CHST15: variants seen among roughly 807,000 people sequenced by gnomAD.
CHST15 encodes B cell RAG associated protein (GALNAC4S-6ST).
In CHST15, 30 loss-of-function variants were observed where a neutral mutation model predicts 53.6. The observed-to-expected ratio is 0.56, with a 90% CI of 0.42 to 0.76. CHST15 has a LOEUF of 0.76. CHST15 is among the 30% of genes least tolerant of loss of function. The pLI is 0.00. For synonymous variants in CHST15, 296 were observed against 289.8 expected (o/e 1.02, Z -0.22); for missense variants, 627 against 740.5 (o/e 0.85, Z 1.78).
intron 6 of CHST15, chr10:124,020,976 C>A (rs1460702080): frequency 1.4e-5 from 19 of 1,404,240 alleles, no homozygotes; most frequent in Non-Finnish European, 1.8e-5. Flanking sequence ...GGGTGTCTTG[C>A]TAAATGGTAA....
chr10:124,059,709 C>A (rs569985330), intron 1 of CHST15, among the ~76,000 whole-genome samples: 1 of 152,304 alleles, frequency 6.6e-6, no homozygotes, highest in African/African-American at 2.4e-5. Context: ...GAATCCATTA[C>A]AGGCGGCGCG....
intron 5 of CHST15, among the ~76,000 whole-genome samples, chr10:124,023,263 T>C (rs1324336242): frequency 7.9e-5 from 12 of 152,012 alleles, no homozygotes; most frequent in African/African-American, 2.2e-4. Flanking sequence ...GGTGGGAGGA[T>C]CACTTGAACC....
At position 124,016,948 on chromosome 10, in the gene CHST15, T is replaced by G. The variant is rs537655525; in HGVS notation, c.1347+4308A>C. On this transcript the variant is annotated intron_variant, in intron 6 of 7. Transcript: ENST00000435907. ...GCTCAGTTTCAGCTGTGCTCTCCAG[T>G]TCACAGTCGGAGTGCTGACCCGCAG... Among the ~76,000 whole-genome samples, 8 of 152,284 alleles carry G rather than the reference T, an allele frequency of 5.3e-5. No homozygotes were observed. The East Asian group carries it at 1.5e-3, about 29-fold the overall frequency.
At chr10:124,069,799 T>C (rs1948857084) in intron 1 of CHST15, among the ~76,000 whole-genome samples, 1 of 152,200 alleles carries the variant, frequency 6.6e-6, no homozygotes, top group South Asian at 2.1e-4. Context: ...GACGCAGATT[T>C]TTCTCTCATT....
intron 7 of CHST15, among the ~76,000 whole-genome samples, chr10:124,011,991 C>A (rs1946430248): frequency 6.6e-6 from 1 of 152,188 alleles, no homozygotes. Flanking sequence ...ACCATCAGCA[C>A]ATACCTTACA....
At chr10:124,025,395 G>A (rs1429271648) in intron 5 of CHST15, among the ~76,000 whole-genome samples, 1 of 152,180 alleles carries the variant, frequency 6.6e-6, no homozygotes, top group Non-Finnish European at 1.5e-5. Context: ...TCCTCGGCTG[G>A]ATGAAAAGAG....
intron 7 of CHST15, 116 bp from the exon 8 acceptor site, chr10:124,010,455 A>T: frequency 7.1e-7 from 1 of 1,405,796 alleles, no homozygotes; most frequent in Non-Finnish European, 9.2e-7. Context: ...TTAAGAGAAC[A>T]TATTTAGGGA....
At position 124,071,300 on chromosome 10, in the gene CHST15, C is replaced by A. The variant is rs555471744; in HGVS notation, c.-513+22169G>T. On this transcript the variant is annotated intron_variant, in intron 1 of 7. Coordinates refer to ENST00000435907, the MANE Select transcript of CHST15 (RefSeq NM_001270764.2). ...AAGGAGATGGACAGGCCAGCCAGAG[C>A]CCAACAGACCCATCACAGGTGGCCT... is the stretch of plus-strand genomic sequence containing the variant. Among the ~76,000 whole-genome samples, 6 of 152,364 alleles carry A rather than the reference C, an allele frequency of 3.9e-5. No individual in the cohort carries two copies. The South Asian group carries it at 1.2e-3, about 32-fold the overall frequency.
At position 124,028,097 on chromosome 10, in the gene CHST15, TTA is replaced by T. The variant is rs1947081018; in HGVS notation, c.1191-6687_1191-6686del. Among the ~76,000 whole-genome samples the T allele has an allele frequency of 1.1e-4, 16 of 152,314 alleles. 1 individual carries two copies. Among genetic ancestry groups the T allele is most frequent in the Admixed American group, 8.5e-4 (13 of 15,298 alleles). On this transcript the variant is annotated intron_variant, in intron 5 of 7. Transcript: ENST00000435907. ...ATGTAATAGAGTGGCAAATAAACAC[TTA>T]GGATAAACGTGAGGAACTCCAATGC... is the stretch of plus-strand genomic sequence containing the variant.
At chr10:124,027,066 G>T (rs998289111) in intron 5 of CHST15, among the ~76,000 whole-genome samples, 1 of 152,080 alleles carries the variant, frequency 6.6e-6, no homozygotes, top group Non-Finnish European at 1.5e-5. Context: ...AAACCATCCC[G>T]AACAGATGGG....
intron 3 of CHST15, among the ~76,000 whole-genome samples, chr10:124,044,139 G>C (rs547796039): frequency 6.7e-6 from 1 of 150,262 alleles, no homozygotes; most frequent in African/African-American, 2.4e-5. Flanking sequence ...GCAGAGGACC[G>C]GCACAGAGCA....
Position 124,045,796 on chromosome 10 carries a change from A to T in CHST15, c.417T>A (p.Ser139=). The change falls in exon 2 of 8, where the codon TCT becomes TCA. Residue 139 remains serine, a synonymous_variant. Coordinates refer to ENST00000435907, the MANE Select transcript of CHST15 (RefSeq NM_001270764.2). The stretch of plus-strand genomic sequence containing the variant: ...CCTTCATGTATGAAATATTATTTAC[A>T]GAGGATTGGTGGTGATGCTCCTTTG... ...SDTKEHHHQS[S]VNNISYMKDY... The T allele has an allele frequency of 1.2e-6, 2 of 1,614,094 alleles. No homozygotes were observed. The highest frequency in any genetic ancestry group is 1.7e-6 in the Non-Finnish European group (2 of 1,180,030).
chr10:124,052,877 TA>T (rs1381253663), intron 1 of CHST15, among the ~76,000 whole-genome samples: 2 of 152,028 alleles, frequency 1.3e-5, no homozygotes, highest in Non-Finnish European at 2.9e-5. Flanking sequence ...CTACTAAAAA[TA>T]AAAAATTTGT....
At chr10:124,039,006 T>C (rs1277760183) in intron 4 of CHST15, among the ~76,000 whole-genome samples, 1 of 152,112 alleles carries the variant, frequency 6.6e-6, no homozygotes, top group Non-Finnish European at 1.5e-5. Flanking sequence ...TCACAGTATT[T>C]AACTTTGCTC....
At chr10:124,090,587 G>C (rs2134271812) in intron 1 of CHST15, among the ~76,000 whole-genome samples, 1 of 152,320 alleles carries the variant, frequency 6.6e-6, no homozygotes, top group Middle Eastern at 3.4e-3. Context: ...ACTTCTTCTT[G>C]ATGCAGGAAT....
intron 1 of CHST15, among the ~76,000 whole-genome samples, chr10:124,064,193 A>AG (rs1184791400): frequency 6.6e-6 from 1 of 152,224 alleles, no homozygotes; most frequent in East Asian, 1.9e-4. Flanking sequence ...TCAAAAAAAA[A>AG]AATAGACTTA....
Position 124,010,263 on chromosome 10 carries a change from G to A in CHST15, c.1572C>T (p.Asn524=). 6.2e-7 allele frequency: 1 copy of A among 1,614,052 alleles called. No homozygotes were observed. Among genetic ancestry groups the A allele is most frequent in the Non-Finnish European group, 8.5e-7 (1 of 1,179,978 alleles). ...ASNARRPEDR[N]LGPMWPITQK... ...GTGTGATGGGCCACATGGGCCCCAG[G>A]TTCCGGTCCTCGGGACGCCGTGCAT... The change falls in exon 8 of 8, where the codon AAC becomes AAT. Residue 524 remains asparagine (N), a synonymous_variant. Coordinates refer to ENST00000435907, the MANE Select transcript of CHST15 (RefSeq NM_001270764.2).
intron 6 of CHST15, among the ~76,000 whole-genome samples, chr10:124,016,947 G>T (rs1946605426): frequency 6.6e-6 from 1 of 152,176 alleles, no homozygotes. Flanking sequence ...GTGCTCTCCA[G>T]TTCACAGTCG....
Position 124,008,662 on chromosome 10 carries a change from C to G in CHST15, c.*1487G>C. The G allele has an allele frequency of 9.6e-7, 1 of 1,045,588 alleles. No homozygotes were observed. The highest frequency in any genetic ancestry group is 1.2e-6 in the Non-Finnish European group (1 of 862,270). The allele number at this position is 1,045,588 out of a possible 1,614,324, so 64.8% of individuals were successfully genotyped here. ...TGAACAACTGCAGATCCTCCTACCCCCGAAGCCTGGTCTGTCTCACACATA... is the reference window on the plus strand; with the variant it reads ...TGAACAACTGCAGATCCTCCTACCCGCGAAGCCTGGTCTGTCTCACACATA... On this transcript the variant is annotated 3_prime_UTR_variant, in exon 8 of 8. Coordinates refer to ENST00000435907, the MANE Select transcript of CHST15 (RefSeq NM_001270764.2).
Sources: gnomAD v4.1 joint callset for allele counts (sites outside exome capture counted in the v4.1 genomes callset) on GRCh38, gnomAD v4.1.1 for gene constraint, MANE v1.5 for transcripts, NCBI Gene and HGNC (gene_info 2026-07-23, HGNC 2026-07-21) for gene names.